Variants in CEP112 observed in about 807,000 individuals in gnomAD.
CEP112 encodes the protein centrosomal protein 112.
In CEP112, 127 loss-of-function variants were observed where a neutral mutation model predicts 153.0. The observed-to-expected ratio is 0.83, with a 90% CI of 0.72 to 0.96. The LOEUF (loss-of-function observed/expected upper bound fraction) is 0.96, where lower values mean the gene tolerates loss of function less well. Ranked by LOEUF, CEP112 falls within the 40% of genes least tolerant of loss-of-function variation. The pLI, the probability that CEP112 is intolerant of heterozygous loss-of-function variation, is 0.00. For synonymous variants in CEP112, 358 were observed against 374.4 expected, an observed-to-expected ratio of 0.96 and a Z score of 0.51; for missense variants, 1,089 against 1,101.2, an observed-to-expected ratio of 0.99 and a Z score of 0.16.
At chr17:65,704,993 A>G (rs2048842874) in intron 23 of CEP112, among the ~76,000 whole-genome samples, 1 of 152,238 alleles carries the variant, frequency 6.6e-6, no homozygotes, top group African/African-American at 2.4e-5. Context: ...GCAGTTAGTT[A>G]TCAACAACAA....
intron 4 of CEP112, among the ~76,000 whole-genome samples, chr17:66,155,478 A>G (rs1278626112): frequency 6.6e-6 from 1 of 151,118 alleles, no homozygotes; most frequent in African/African-American, 2.4e-5. Flanking sequence ...TTGGGCAGAC[A>G]TCGAGATAGC....
chr17:65,871,267 T>A (rs1053024678), intron 20 of CEP112, among the ~76,000 whole-genome samples: 33 of 152,310 alleles, frequency 2.2e-4, no homozygotes, highest in South Asian at 4.1e-4. Flanking sequence ...TGACTTCTTA[T>A]CATGACTTCT....
chr17:65,756,809 G>C (rs759251333), intron 21 of CEP112, among the ~76,000 whole-genome samples: 10 of 152,170 alleles, frequency 6.6e-5, no homozygotes, highest in Non-Finnish European at 1.3e-4. Context: ...TCTAGCAGTA[G>C]AGAGGGAGGA....
At chr17:66,150,468 C>T (rs546789431) in intron 4 of CEP112, among the ~76,000 whole-genome samples, 5 of 152,024 alleles carry the variant, frequency 3.3e-5, no homozygotes, top group East Asian at 2.0e-4. Flanking sequence ...TGACCTCAAG[C>T]GATCTGCCTG....
chr17:65,851,763 G>T, intron 21 of CEP112, 41 bp downstream of exon 21: 1 of 1,428,626 alleles, frequency 7.0e-7, no homozygotes. Flanking sequence ...TTTTAAACAT[G>T]GATTTCAACT....
intron 4 of CEP112, among the ~76,000 whole-genome samples, chr17:66,143,410 G>T (rs1363651816): frequency 6.6e-6 from 1 of 152,134 alleles, no homozygotes; most frequent in Non-Finnish European, 1.5e-5. Context: ...TTTGGGCAGT[G>T]CCTGAAAAAA....
rs193292333 is a variant in CEP112 at position 66,128,119 on chromosome 17, T to C, written c.642+1627A>G. ...GAGTTCGAGACCAGCCTGACCAACA[T>C]GGTGAAACCCCCGTCTCTACTAAAA... On this transcript the variant is annotated intron_variant, in intron 6 of 26. Coordinates refer to ENST00000535342, the MANE Select transcript of CEP112 (RefSeq NM_001199165.4). 1.7e-3 allele frequency among the ~76,000 whole-genome samples: 254 copies of C among 151,888 alleles called. 2 individuals carry two copies. The highest frequency in any genetic ancestry group is 5.6e-3 in the African/African-American group (234 of 41,426).
chr17:65,708,875 G>A (rs1242253855), intron 23 of CEP112, among the ~76,000 whole-genome samples: 1 of 152,122 alleles, frequency 6.6e-6, no homozygotes, highest in Non-Finnish European at 1.5e-5. Context: ...TGGGGTGGTC[G>A]TGGTGCCTGC....
chr17:66,024,073 G>A (rs555368939), intron 16 of CEP112, among the ~76,000 whole-genome samples: 7 of 152,248 alleles, frequency 4.6e-5, no homozygotes, highest in African/African-American at 1.7e-4. Flanking sequence ...AAAACCATAT[G>A]ACCGTCTCAA....
intron 24 of CEP112, among the ~76,000 whole-genome samples, chr17:65,683,857 T>C (rs1333401006): frequency 6.6e-6 from 1 of 151,968 alleles, no homozygotes; most frequent in Non-Finnish European, 1.5e-5. Context: ...GCCTGGCCAA[T>C]ATGGTGAAAC....
At chr17:66,169,788 G>A (rs769001192) in intron 4 of CEP112, among the ~76,000 whole-genome samples, 5 of 152,268 alleles carry the variant, frequency 3.3e-5, no homozygotes, top group Non-Finnish European at 5.9e-5. Context: ...GATAAAGACT[G>A]TACTAGTCAT....
intron 16 of CEP112, among the ~76,000 whole-genome samples, chr17:66,027,010 AG>A (rs2065240054): frequency 6.6e-6 from 1 of 152,220 alleles, no homozygotes. Flanking sequence ...ATTGAACTGA[AG>A]CAGTTGTTTA....
rs374250541 is a variant in CEP112, at chr17:65,672,942, A to G, written c.2697+16187T>C. Among the ~76,000 whole-genome samples, 14 of 152,334 alleles carry G rather than the reference A, an allele frequency of 9.2e-5. No homozygotes were observed. The South Asian group carries it at 1.2e-3, about 14-fold the overall frequency. ...AGGAAACTAGTAAAATCCCTGTATT[A>G]GTTTTTTATCATTGCTGTAACAAAT... is the stretch of plus-strand genomic sequence containing the variant. On this transcript the variant is annotated intron_variant, in intron 24 of 26. Coordinates refer to ENST00000535342, the MANE Select transcript of CEP112 (RefSeq NM_001199165.4).
At chr17:66,028,456 T>C in intron 14 of CEP112, 51 bp from the exon 15 acceptor site, 1 of 1,029,806 alleles carries the variant, frequency 9.7e-7, no homozygotes, top group Non-Finnish European at 1.4e-6. Flanking sequence ...TTTTGTACCA[T>C]ATTATACTTT....
chr17:65,998,049 T>C (rs2063858248), intron 17 of CEP112, among the ~76,000 whole-genome samples: 1 of 152,122 alleles, frequency 6.6e-6, no homozygotes, highest in African/African-American at 2.4e-5. Context: ...ATTTTAAAAT[T>C]TGGTGCCATG....
intron 21 of CEP112, among the ~76,000 whole-genome samples, chr17:65,823,362 G>A (rs1345703781): frequency 6.6e-6 from 1 of 152,070 alleles, no homozygotes; most frequent in African/African-American, 2.4e-5. Context: ...AAAACAGAAA[G>A]TCCACTAGTA....
At chr17:66,080,320 AAAAC>A (rs1489505685) in intron 8 of CEP112, among the ~76,000 whole-genome samples, 5 of 152,320 alleles carry the variant, frequency 3.3e-5, no homozygotes, top group African/African-American at 9.6e-5. Context: ...TACAAGAAAA[AAAAC>A]AAACAACCCC....
chr17:65,672,423 G>A (rs2047030484), intron 24 of CEP112, among the ~76,000 whole-genome samples: 1 of 152,174 alleles, frequency 6.6e-6, no homozygotes, highest in Non-Finnish European at 1.5e-5. Flanking sequence ...AGATTCATGT[G>A]AAGGAGAAAA....
chr17:66,032,052 T>C (rs1337849526), intron 12 of CEP112, among the ~76,000 whole-genome samples: 1 of 152,130 alleles, frequency 6.6e-6, no homozygotes, highest in Non-Finnish European at 1.5e-5. Context: ...GGAGTTGCAC[T>C]CTGTCCAGGC....
Sources: allele counts gnomAD v4.1 joint callset (sites outside exome capture counted in the v4.1 genomes callset), GRCh38; gene constraint gnomAD v4.1.1; transcripts MANE v1.5; gene names NCBI Gene and HGNC (gene_info 2026-07-23, HGNC 2026-07-21).